Variants in FRMPD4 observed in about 807,000 individuals in gnomAD.
FRMPD4 encodes the protein FERM and PDZ domain-containing protein 4.
Under a neutral mutation model 94.1 loss-of-function variants are expected in FRMPD4, and 22 were observed. That is an observed-to-expected ratio of 0.23 (90% CI 0.17 to 0.33). The LOEUF (loss-of-function observed/expected upper bound fraction) is 0.33. Among genes scored for constraint, FRMPD4 ranks in the 10% least tolerant of loss-of-function variants. The pLI is 1.00. For synonymous variants in FRMPD4, 631 were observed against 548.6 expected (o/e 1.15, Z -2.10); for missense variants, 1,111 against 1,339.9 (o/e 0.83, Z 2.67).
At chrX:12,311,357 C>T (rs1423713231) in intron 1 of FRMPD4, among the ~76,000 whole-genome samples, 1 of 112,316 alleles carries the variant, frequency 8.9e-6, no homozygotes, top group South Asian at 3.7e-4. Flanking sequence ...AATATTTAAA[C>T]TCCATAAAAT....
intron 1 of FRMPD4, among the ~76,000 whole-genome samples, chrX:12,289,206 C>G (rs1347159426): frequency 2.7e-5 from 3 of 111,490 alleles, no homozygotes; most frequent in Non-Finnish European, 5.7e-5. Flanking sequence ...AAATGCCAGC[C>G]TTGCCAGGAA....
At chrX:12,714,869 G>C (rs1045449483) in intron 14 of FRMPD4, among the ~76,000 whole-genome samples, 2 of 112,170 alleles carry the variant, frequency 1.8e-5, no homozygotes, top group African/African-American at 6.5e-5. Flanking sequence ...TATGGCCAGT[G>C]TATAATTCAA....
chrX:12,606,317 A>G (rs7065077), intron 2 of FRMPD4, among the ~76,000 whole-genome samples: 21,084 of 110,897 alleles, frequency 0.19, 2,726 homozygotes, highest in African/African-American at 0.46. Context: ...TGGAGGGCGT[A>G]CTATAATCCA....
chrX:12,543,560 G>C, intron 2 of FRMPD4, among the ~76,000 whole-genome samples: 1 of 112,164 alleles, frequency 8.9e-6, no homozygotes, highest in Non-Finnish European at 1.9e-5. Flanking sequence ...ACACCAGTCA[G>C]AATGGCAATC....
intron 3 of FRMPD4, among the ~76,000 whole-genome samples, chrX:12,086,085 G>GTTTA (rs201882846): frequency 6.1e-5 from 3 of 49,323 alleles, no homozygotes; most frequent in Non-Finnish European, 1.5e-4. Flanking sequence ...GTGCGTGTGT[G>GTTTA]TGTATGTGTG....
intron 1 of FRMPD4, among the ~76,000 whole-genome samples, chrX:12,168,394 C>T (rs1315904160): frequency 9.4e-6 from 1 of 106,935 alleles, no homozygotes; most frequent in Non-Finnish European, 1.9e-5. Flanking sequence ...AACTCTCCAA[C>T]TTGCAGTGTG....
At chrX:12,342,794 TA>T (rs893395072) in intron 1 of FRMPD4, among the ~76,000 whole-genome samples, 17 of 112,327 alleles carry the variant, frequency 1.5e-4, no homozygotes, top group African/African-American at 4.9e-4. Flanking sequence ...GATGTCTCAC[TA>T]GCCATGTGTC....
chrX:12,690,010 G>A (rs1461813277), intron 7 of FRMPD4, among the ~76,000 whole-genome samples, 185 bp from the exon 8 acceptor site: 1 of 112,599 alleles, frequency 8.9e-6, no homozygotes, highest in African/African-American at 3.2e-5. Flanking sequence ...CAGGAAAAGG[G>A]CAAGAGAAGG....
At chrX:12,403,617 C>T (rs1293546072) in intron 1 of FRMPD4, among the ~76,000 whole-genome samples, 1 of 111,480 alleles carries the variant, frequency 9.0e-6, no homozygotes, top group East Asian at 2.8e-4. Flanking sequence ...CCCTGTATAT[C>T]CTTTTGATCA....
chrX:12,319,227 C>G (rs753138971), intron 1 of FRMPD4, among the ~76,000 whole-genome samples: 13 of 111,840 alleles, frequency 1.2e-4, no homozygotes, highest in Non-Finnish European at 1.9e-4. Flanking sequence ...GACTGCCAAC[C>G]CTTGGTCTAG....
intron 1 of FRMPD4, among the ~76,000 whole-genome samples, chrX:12,453,243 G>C (rs1439621727): frequency 9.0e-6 from 1 of 111,377 alleles, no homozygotes; most frequent in African/African-American, 3.3e-5. Context: ...ACTGTCCAAA[G>C]AGTACGATGT....
chrX:12,523,022 A>G (rs904806411), intron 2 of FRMPD4, among the ~76,000 whole-genome samples: 4 of 112,510 alleles, frequency 3.6e-5, no homozygotes, highest in African/African-American at 9.7e-5. Context: ...GAGTGGCTCC[A>G]TAATGCTTTT....
At chrX:12,140,883 TC>T (rs1200325568) in intron 1 of FRMPD4, among the ~76,000 whole-genome samples, 1 of 112,030 alleles carries the variant, frequency 8.9e-6, no homozygotes, top group Admixed American at 9.4e-5. Context: ...AGTTTCACTT[TC>T]TATCCTTAAT....
At chrX:11,912,436 G>C (rs1219532763) in intron 3 of FRMPD4, among the ~76,000 whole-genome samples, 1 of 112,412 alleles carries the variant, frequency 8.9e-6, no homozygotes, top group Admixed American at 9.4e-5. Context: ...TTTTAAGTTA[G>C]AGAGCAAATG....
intron 3 of FRMPD4, among the ~76,000 whole-genome samples, chrX:12,610,656 G>A (rs972258373): frequency 7.3e-5 from 8 of 109,941 alleles, no homozygotes; most frequent in Non-Finnish European, 1.1e-4. Flanking sequence ...ACTGAGGCAT[G>A]AGAATCGCTT....
chrX:11,976,441 A>G (rs932394247), intron 3 of FRMPD4, among the ~76,000 whole-genome samples: 2 of 112,314 alleles, frequency 1.8e-5, no homozygotes, highest in Non-Finnish European at 3.8e-5. Flanking sequence ...CCTTTTCAAC[A>G]AAAGTCCCTT....
chrX:12,452,692 T>C (rs2057286422), intron 1 of FRMPD4, among the ~76,000 whole-genome samples: 1 of 112,650 alleles, frequency 8.9e-6, no homozygotes, highest in African/African-American at 3.2e-5. Context: ...TGTGAAATTG[T>C]CATAACATGT....
At chrX:12,007,714 G>A (rs113635178) in intron 3 of FRMPD4, among the ~76,000 whole-genome samples, 7,785 of 112,268 alleles carry the variant, frequency 0.069, 272 homozygotes, top group East Asian at 0.24. Context: ...AGCAAGAAAT[G>A]GCCTGAGATT....
At chrX:11,932,011 A>T (rs1362130671) in intron 3 of FRMPD4, among the ~76,000 whole-genome samples, 1 of 112,049 alleles carries the variant, frequency 8.9e-6, no homozygotes, top group Non-Finnish European at 1.9e-5. Flanking sequence ...GAAATGCTTC[A>T]TGTCTGATTA....
Sources: gnomAD v4.1 joint callset for allele counts (sites outside exome capture counted in the v4.1 genomes callset) on GRCh38, gnomAD v4.1.1 for gene constraint, MANE v1.5 for transcripts, NCBI Gene and HGNC (gene_info 2026-07-23, HGNC 2026-07-21) for gene names.